CA6: variants seen among roughly 807,000 people sequenced by gnomAD.
CA6 encodes carbonic anhydrase 6.
A neutral mutation model predicts 35.9 loss-of-function variants in CA6; 28 were observed. The ratio of observed to expected loss-of-function variants is 0.78; its 90% CI spans 0.58 to 1.07. The LOEUF is 1.07. Among genes scored for constraint, CA6 ranks in the 50% least tolerant of loss-of-function variants. The pLI is 0.00. For synonymous variants in CA6, 148 were observed against 152.6 expected (o/e 0.97, Z 0.22); for missense variants, 377 against 382.0 (o/e 0.99, Z 0.11).
intron 2 of CA6, among the ~76,000 whole-genome samples, chr1:8,949,900 A>G (rs1639479277): frequency 6.6e-6 from 1 of 152,102 alleles, no homozygotes; most frequent in South Asian, 2.1e-4. Flanking sequence ...TGATCCCTAC[A>G]AGAAAGAAGG....
At chr1:8,964,874 C>T (rs1639930550) in intron 5 of CA6, among the ~76,000 whole-genome samples, 1 of 152,160 alleles carries the variant, frequency 6.6e-6, no homozygotes, top group Non-Finnish European at 1.5e-5. Context: ...TTTCTGGCTC[C>T]TGCCCTAAAT....
At chr1:8,972,863 A>T (rs1040961101) in intron 7 of CA6, among the ~76,000 whole-genome samples, 2 of 152,142 alleles carry the variant, frequency 1.3e-5, no homozygotes, top group Non-Finnish European at 2.9e-5. Context: ...ATACAATACT[A>T]ACAGAAGAAA....
At position 8,970,847 on chromosome 1, in the gene CA6, T is replaced by A. The variant is rs547651948; in HGVS notation, c.730-20T>A. Reference sequence around the variant, plus strand: ...ACCCAGTGACTCTTCCCCTCCATAATGCACTCACGTTGCCCCCAGGTTTGG... The same window carrying A: ...ACCCAGTGACTCTTCCCCTCCATAAAGCACTCACGTTGCCCCCAGGTTTGG... On this transcript the variant is annotated intron_variant, in intron 6 of 7. Transcript: ENST00000377443. 7.0e-7 allele frequency: 1 copy of A among 1,428,690 alleles called. No individual in the cohort carries two copies. Among genetic ancestry groups the A allele is most frequent in the Non-Finnish European group, 9.9e-7 (1 of 1,011,250 alleles). The allele number at this position is 1,428,690 out of a possible 1,614,324, so 88.5% of individuals were successfully genotyped here.
intron 2 of CA6, 33 bp downstream of exon 2, chr1:8,949,475 C>T: frequency 1.3e-6 from 2 of 1,576,536 alleles, no homozygotes; most frequent in Non-Finnish European, 1.7e-6. Flanking sequence ...GGCTCCAGTC[C>T]ATGGGCAGCC....
intron 3 of CA6, among the ~76,000 whole-genome samples, chr1:8,958,358 G>A (rs1639746409): frequency 1.3e-5 from 2 of 151,894 alleles, no homozygotes; most frequent in Admixed American, 1.3e-4. Flanking sequence ...AGTAGAGACG[G>A]GGTTTCGCCA....
intron 2 of CA6, among the ~76,000 whole-genome samples, chr1:8,953,943 A>G (rs1190344856): frequency 2.0e-5 from 3 of 152,196 alleles, no homozygotes; most frequent in Non-Finnish European, 4.4e-5. Context: ...CAAGATGGCC[A>G]CGAGAGTGAC....
chr1:8,950,312 G>C (rs1203477066), intron 2 of CA6, among the ~76,000 whole-genome samples: 4 of 151,938 alleles, frequency 2.6e-5, no homozygotes, highest in Non-Finnish European at 5.9e-5. Flanking sequence ...TGCTTTACTT[G>C]TGCAGAATAT....
chr1:8,949,840 C>T (rs954044737), intron 2 of CA6, among the ~76,000 whole-genome samples: 1 of 152,110 alleles, frequency 6.6e-6, no homozygotes, highest in Non-Finnish European at 1.5e-5. Flanking sequence ...AAGCACCTGA[C>T]AGGTAGGACC....
intron 2 of CA6, among the ~76,000 whole-genome samples, chr1:8,954,241 C>T (rs1174085057): frequency 6.6e-6 from 1 of 151,504 alleles, no homozygotes; most frequent in African/African-American, 2.4e-5. Flanking sequence ...CCTTGGCTCC[C>T]TGCAACCTCT....
At chr1:8,970,219 A>AG (rs1392405444) in intron 6 of CA6, among the ~76,000 whole-genome samples, 1 of 151,802 alleles carries the variant, frequency 6.6e-6, no homozygotes, top group East Asian at 1.9e-4. Context: ...AAAAAAAAAA[A>AG]AAAAAAAAGA....
At position 8,974,895 on chromosome 1, in the gene CA6, T is replaced by C. The variant is rs989610510; in HGVS notation, c.*191T>C. 23 of 479,600 alleles carry C rather than the reference T, an allele frequency of 4.8e-5. No homozygotes were observed. The highest frequency in any genetic ancestry group is 7.3e-5 in the Non-Finnish European group (20 of 273,966). 29.7% of individuals were successfully genotyped at this position (479,600 alleles called of 1,614,324 possible). A position where few individuals can be genotyped will look rare whatever the true frequency, so the allele number is the denominator to read the frequency against. ...CGATCATCCTGGACAGGAAGTGAGA[T>C]GGCTTCAGTTCATGAGACGGGATCT... is the stretch of plus-strand genomic sequence containing the variant. On this transcript the variant is annotated 3_prime_UTR_variant, in exon 8 of 8. Transcript: ENST00000377443.
intron 1 of CA6, among the ~76,000 whole-genome samples, 174 bp from the exon 2 acceptor site, chr1:8,949,089 A>G (rs1167364893): frequency 6.6e-6 from 1 of 152,048 alleles, no homozygotes; most frequent in Non-Finnish European, 1.5e-5. Flanking sequence ...GAGTCCTTGG[A>G]GTTGACCTCG....
Position 8,970,975 on chromosome 1 carries a change from A to T in CA6, c.838A>T (p.Asn280Tyr), listed in dbSNP as rs766622056. 1.9e-5 allele frequency: 30 copies of T among 1,607,202 alleles called. No homozygotes were observed. In the South Asian group the frequency reaches 3.2e-4, roughly 17 times the overall value. Reference sequence around the variant, plus strand: ...CAGAGTGGTGGAATCCAACTTCCCGAATCAGGGTGAGTGAGACCGACTCTT... The same window carrying T: ...CAGAGTGGTGGAATCCAACTTCCCGTATCAGGGTGAGTGAGACCGACTCTT... ...NHRVVESNFPNQEYTLGSEFQ... is the reference protein window; with the variant it reads ...NHRVVESNFPYQEYTLGSEFQ... The change falls in exon 7 of 8, where the codon AAT becomes TAT. Residue 280 changes from asparagine (N) to tyrosine (Y), a missense_variant. Transcript: ENST00000377443.
intron 6 of CA6, among the ~76,000 whole-genome samples, chr1:8,969,760 A>G (rs192399870): frequency 4.6e-5 from 7 of 152,328 alleles, no homozygotes; most frequent in Non-Finnish European, 1.0e-4. Context: ...ACAGATTATC[A>G]TGAAAAGAGT....
At chr1:8,949,959 AATCCGAT>A (rs1445870530) in intron 2 of CA6, among the ~76,000 whole-genome samples, 1 of 152,050 alleles carries the variant, frequency 6.6e-6, no homozygotes, top group Non-Finnish European at 1.5e-5. Flanking sequence ...CCACTTCAGG[AATCCGAT>A]ATGAGAAACT....
At chr1:8,959,724 G>A (rs1156389578) in intron 4 of CA6, among the ~76,000 whole-genome samples, 2 of 151,806 alleles carry the variant, frequency 1.3e-5, no homozygotes, top group African/African-American at 2.4e-5. Flanking sequence ...TTGGGGTCAG[G>A]AGTTCAAGAC....
At chr1:8,956,884 G>A (rs1639699069) in intron 2 of CA6, among the ~76,000 whole-genome samples, 1 of 152,216 alleles carries the variant, frequency 6.6e-6, no homozygotes, top group Admixed American at 6.5e-5. Context: ...GCGGGAAGGA[G>A]CGTGCTGGGG....
chr1:8,950,183 A>G (rs1469957242), intron 2 of CA6, among the ~76,000 whole-genome samples: 4 of 151,922 alleles, frequency 2.6e-5, no homozygotes, highest in African/African-American at 9.7e-5. Flanking sequence ...AGGTTTCACC[A>G]TGTTGGCCAG....
chr1:8,969,031 G>T (rs1640042348), intron 6 of CA6, among the ~76,000 whole-genome samples: 1 of 132,496 alleles, frequency 7.5e-6, no homozygotes, highest in Non-Finnish European at 1.6e-5. Context: ...AAAAAAAAAA[G>T]TTTGCTGGGC....
Sources: allele counts gnomAD v4.1 joint callset (sites outside exome capture counted in the v4.1 genomes callset), GRCh38; gene constraint gnomAD v4.1.1; transcripts MANE v1.5; gene names NCBI Gene and HGNC (gene_info 2026-07-23, HGNC 2026-07-21).